Variants in ANK1 observed in about 807,000 individuals in gnomAD.
ANK1 encodes the protein ankyrin 1, also known as ankyrin-1.
A neutral mutation model predicts 210.4 loss-of-function variants in ANK1; 51 were observed. The ratio of observed to expected loss-of-function variants is 0.24; its 90% CI spans 0.19 to 0.31. The LOEUF is 0.31. Ranked by LOEUF, ANK1 falls within the 10% of genes least tolerant of loss-of-function variation. The pLI is 1.00. For missense variants in ANK1, 2,051 were observed against 2,504.4 expected (o/e 0.82, Z 3.86); for synonymous variants, 967 against 1,025.9 (o/e 0.94, Z 1.10).
chr8:41,756,127 T>TG (rs1563677876), intron 2 of ANK1, among the ~76,000 whole-genome samples: 2 of 152,078 alleles, frequency 1.3e-5, no homozygotes, highest in Non-Finnish European at 2.9e-5. Flanking sequence ...TTTTGCATTT[T>TG]ATTTATTTAT....
chr8:41,863,813 T>C (rs1187571122), intron 1 of ANK1, among the ~76,000 whole-genome samples: 2 of 152,258 alleles, frequency 1.3e-5, no homozygotes, highest in East Asian at 3.9e-4. Context: ...CCTCCCACAA[T>C]AGCGAATGTG....
chr8:41,665,305 T>G, intron 39 of ANK1: 2 of 1,415,964 alleles, frequency 1.4e-6, no homozygotes, highest in Non-Finnish European at 9.3e-7. Flanking sequence ...CCTATAATTT[T>G]ACCTCCCCAA....
In ANK1 at chr8:41,665,700, C is replaced by T. The variant is rs553920891; in HGVS notation, c.5395-1958G>A. 3 of 187,018 alleles carry T rather than the reference C, an allele frequency of 1.6e-5. No individual in the cohort carries two copies. The South Asian group carries it at 3.4e-4, about 21-fold the overall frequency. 11.6% of individuals were successfully genotyped at this position (187,018 alleles called of 1,614,324 possible). ...TTGCTCCAAAAGGGTGAGTGATGGG[C>T]TCAGGGACAGTCAAGTGAGCCCAGC... On this transcript the variant is annotated intron_variant, in intron 39 of 42. Coordinates refer to ENST00000289734, the MANE Select transcript of ANK1 (RefSeq NM_000037.4).
chr8:41,815,976 C>T (rs927943691), intron 1 of ANK1, among the ~76,000 whole-genome samples: 8 of 152,108 alleles, frequency 5.3e-5, no homozygotes, highest in South Asian at 2.1e-4. Flanking sequence ...ATGAAGATAT[C>T]GAAGGGTATA....
intron 1 of ANK1, among the ~76,000 whole-genome samples, chr8:41,873,463 C>G (rs939596696): frequency 2.0e-5 from 3 of 152,194 alleles, no homozygotes; most frequent in African/African-American, 7.2e-5. Flanking sequence ...CCAAGTCACC[C>G]TATTATTAAT....
At chr8:41,835,501 T>G (rs558615173) in intron 1 of ANK1, among the ~76,000 whole-genome samples, 107 of 150,902 alleles carry the variant, frequency 7.1e-4, no homozygotes, top group Non-Finnish European at 1.4e-3. Context: ...CTAGCAGGCG[T>G]ATATTCTGCA....
chr8:41,729,715 A>G (rs1163325257), intron 3 of ANK1, among the ~76,000 whole-genome samples: 1 of 152,234 alleles, frequency 6.6e-6, no homozygotes, highest in Non-Finnish European at 1.5e-5. Context: ...ATATTAAACA[A>G]CAATTCACAG....
At chr8:41,776,801 T>C (rs914843062) in intron 1 of ANK1, among the ~76,000 whole-genome samples, 13 of 152,248 alleles carry the variant, frequency 8.5e-5, no homozygotes, top group African/African-American at 2.9e-4. Flanking sequence ...GAAGACAGGA[T>C]CCTTCCTCCA....
chr8:41,697,780 C>A, intron 24 of ANK1: 1 of 552,350 alleles, frequency 1.8e-6, no homozygotes, highest in Non-Finnish European at 3.3e-6. Flanking sequence ...TGGTTTCTCA[C>A]TGCTGCTGTC....
chr8:41,790,259 G>C (rs13252646), intron 1 of ANK1, among the ~76,000 whole-genome samples: 1 of 151,556 alleles, frequency 6.6e-6, no homozygotes, highest in Non-Finnish European at 1.5e-5. Flanking sequence ...CGATTCTCCC[G>C]CCTCAGCCTT....
intron 1 of ANK1, among the ~76,000 whole-genome samples, chr8:41,874,061 C>T (rs1424665994): frequency 1.3e-5 from 2 of 152,190 alleles, no homozygotes; most frequent in Non-Finnish European, 2.9e-5. Flanking sequence ...CACAAACACA[C>T]GGGCTCCTAA....
At position 41,690,331 on chromosome 8, in the gene ANK1, G is replaced by A. The variant is rs1172677213; in HGVS notation, c.4000C>T (p.Arg1334Ter). 1 of 1,614,214 alleles carries A rather than the reference G, an allele frequency of 6.2e-7. No homozygotes were observed. Among genetic ancestry groups the A allele is most frequent in the Non-Finnish European group, 8.5e-7 (1 of 1,180,042 alleles). ...AACGACAGGGACCCTCCCGGCTCTC[G>A]ACTGCTGTCCCTCACCTAAACTCAA... ...AMPVKVRDSS[R>*]EPGGSLSFLR... Residue 1334 changes from arginine to a stop codon, truncating the protein, a stop_gained, in exon 33 of 43, where the codon CGA becomes TGA. Transcript: ENST00000289734. LOFTEE classifies it high-confidence loss of function.
chr8:41,838,601 A>G (rs1273966778), intron 1 of ANK1, among the ~76,000 whole-genome samples: 1 of 151,496 alleles, frequency 6.6e-6, no homozygotes, highest in Non-Finnish European at 1.5e-5. Flanking sequence ...CCCCGTCTCT[A>G]GTAAAAATAC....
chr8:41,725,705 C>A, intron 6 of ANK1, 56 bp downstream of exon 6: 1 of 1,573,074 alleles, frequency 6.4e-7, no homozygotes, highest in East Asian at 2.3e-5. Context: ...TGCGCGGTGC[C>A]CCCTGAGCCC....
intron 1 of ANK1, among the ~76,000 whole-genome samples, chr8:41,855,143 G>C (rs1387546551): frequency 6.6e-6 from 1 of 152,122 alleles, no homozygotes; most frequent in Non-Finnish European, 1.5e-5. Context: ...CTAAGTAGCT[G>C]CCACTCAAGA....
rs144122155 is a variant in ANK1 at position 41,668,378 on chromosome 8, C to T, written c.5283G>A (p.Thr1761=). The stretch of plus-strand genomic sequence containing the variant: ...TCTCAGCCTCGGGCTGTTCTGTCCA[C>T]GTGTGCTCACTTACAGACACCAGGA... ...EKVLVSVSEH[T]WTEQPEAESS... is the part of the protein sequence containing the mutation. The change falls in exon 39 of 43, where the codon ACG becomes ACA. Residue 1761 remains threonine, a synonymous_variant. Transcript: ENST00000289734. The T allele has an allele frequency of 2.0e-5, 32 of 1,614,246 alleles. No individual in the cohort carries two copies. The African/African-American group carries it at 2.3e-4, about 11-fold the overall frequency.
chr8:41,689,893 G>A (rs1334721467), intron 33 of ANK1, among the ~76,000 whole-genome samples: 3 of 152,196 alleles, frequency 2.0e-5, no homozygotes. Flanking sequence ...GGGACACCGA[G>A]GCAGATGCCC....
At position 41,803,078 on chromosome 8, in the gene ANK1, A is replaced by AGGAAGGAAGGAAGGAAG. The variant is rs1554630992; in HGVS notation, c.127-44942_127-44941insCTTCCTTCCTTCCTTCC. Among the ~76,000 whole-genome samples the AGGAAGGAAGGAAGGAAG allele has an allele frequency of 3.2e-3, 239 of 74,966 alleles. 6 individuals are homozygous for AGGAAGGAAGGAAGGAAG. The highest frequency in any genetic ancestry group is 0.01 in the African/African-American group (182 of 17,608). 49.2% of individuals were successfully genotyped at this position (74,966 alleles called of 152,430 possible). On this transcript the variant is annotated intron_variant, in intron 1 of 42. Transcript: ENST00000265709. ...AAGAGAGAAAGGAAGGAAGGAAGGA[A>AGGAAGGAAGGAAGGAAG]GGAAGGGAAGGAAAGGAAAGGAAAG...
chr8:41,685,191 A>T (rs1399302416), intron 36 of ANK1, among the ~76,000 whole-genome samples: 1 of 152,200 alleles, frequency 6.6e-6, no homozygotes, highest in East Asian at 1.9e-4. Context: ...GGCCTCCCAA[A>T]GTGCTGGGAT....
Sources: allele counts gnomAD v4.1 joint callset (sites outside exome capture counted in the v4.1 genomes callset), GRCh38; gene constraint gnomAD v4.1.1; transcripts MANE v1.5; gene names NCBI Gene and HGNC (gene_info 2026-07-23, HGNC 2026-07-21).